The following FBXO34 variants were observed in gnomAD, a reference collection of about 807,000 sequenced individuals.
The protein encoded by FBXO34 is F-box only protein 34.
FBXO34 carries 12 observed loss-of-function variants against 24.5 expected under a neutral mutation model. The observed-to-expected ratio is 0.49, with a 90% CI of 0.31 to 0.79. The LOEUF is 0.79. Ranked by LOEUF, FBXO34 falls within the 30% of genes least tolerant of loss-of-function variation. FBXO34 has a pLI of 0.04. For synonymous variants in FBXO34, 320 were observed against 311.9 expected, an observed-to-expected ratio of 1.03 and a Z score of -0.27; for missense variants, 823 against 857.7, an observed-to-expected ratio of 0.96 and a Z score of 0.51.
At chr14:55,411,853 G>C in the FBXO34 span, 1 of 1,549,272 alleles carries the variant, frequency 6.5e-7, no homozygotes, top group Non-Finnish European at 8.7e-7. Context: ...AGTCACGTGG[G>C]ATTTTGTTTT....
At chr14:55,383,443 C>CGTA in the FBXO34 span, among the ~76,000 whole-genome samples, 1 of 151,900 alleles carries the variant, frequency 6.6e-6, no homozygotes, top group Non-Finnish European at 1.5e-5. Context: ...CCCAGCTACT[C>CGTA]GGAAGGCTAA....
At chr14:55,329,694 A>C (rs1194141669) in intron 1 of FBXO34, among the ~76,000 whole-genome samples, 1 of 152,138 alleles carries the variant, frequency 6.6e-6, no homozygotes, top group Non-Finnish European at 1.5e-5. Flanking sequence ...TTTGGCTTGA[A>C]GTCCTTTTTT....
intron 1 of FBXO34, among the ~76,000 whole-genome samples, chr14:55,301,545 T>G (rs1375297074): frequency 6.6e-6 from 1 of 152,252 alleles, no homozygotes; most frequent in African/African-American, 2.4e-5. Context: ...TTTTCTCATC[T>G]GTAAAATGAG....
At chr14:55,281,255 TAAA>T (rs533626777) in intron 1 of FBXO34, among the ~76,000 whole-genome samples, 6 of 98,438 alleles carry the variant, frequency 6.1e-5, no homozygotes, top group South Asian at 3.7e-4. Context: ...CCCGACTCCT[TAAA>T]AAAAAAAAAA....
At chr14:55,299,173 T>C in intron 1 of FBXO34, 2 of 1,035,610 alleles carry the variant, frequency 1.9e-6, no homozygotes, top group South Asian at 2.5e-5. Context: ...CCCGAAACAG[T>C]CCCTCTACCA....
chr14:55,370,246 A>G (rs1288441390), downstream of FBXO34, among the ~76,000 whole-genome samples: 1 of 152,210 alleles, frequency 6.6e-6, no homozygotes, highest in Non-Finnish European at 1.5e-5. Flanking sequence ...TCCTGTTGTA[A>G]AGAACTGCAG....
At chr14:55,272,786 T>TA (rs1881201069) in intron 1 of FBXO34, among the ~76,000 whole-genome samples, 1 of 152,194 alleles carries the variant, frequency 6.6e-6, no homozygotes, top group Non-Finnish European at 1.5e-5. Flanking sequence ...CAAGCTGTTT[T>TA]CTTGCTTTCT....
chr14:55,389,042 T>C, the FBXO34 span, among the ~76,000 whole-genome samples: 1 of 152,208 alleles, frequency 6.6e-6, no homozygotes, highest in Non-Finnish European at 1.5e-5. Context: ...GTTCTCTCTC[T>C]AGATTTTAAA....
At chr14:55,288,696 C>T (rs1881844278) in intron 1 of FBXO34, among the ~76,000 whole-genome samples, 1 of 152,014 alleles carries the variant, frequency 6.6e-6, no homozygotes, top group South Asian at 2.1e-4. Flanking sequence ...GCTTGTTGGA[C>T]GATTTGATTT....
At chr14:55,436,316 T>C in the FBXO34 span, among the ~76,000 whole-genome samples, 1 of 152,332 alleles carries the variant, frequency 6.6e-6, no homozygotes, top group East Asian at 1.9e-4. Flanking sequence ...AACAATACAA[T>C]CCTTCAAGAA....
At chr14:55,401,722 G>A in the FBXO34 span, among the ~76,000 whole-genome samples, 1 of 152,018 alleles carries the variant, frequency 6.6e-6, no homozygotes, top group African/African-American at 2.4e-5. Context: ...CAGATTGATG[G>A]GAACAAGGAG....
the FBXO34 span, among the ~76,000 whole-genome samples, chr14:55,420,096 AC>A: frequency 6.6e-6 from 1 of 151,710 alleles, no homozygotes. Context: ...TTTGAGACAG[AC>A]TCTTGCTCTG....
intron 1 of FBXO34, among the ~76,000 whole-genome samples, chr14:55,275,331 GTTA>G (rs1881296423): frequency 6.6e-6 from 1 of 152,152 alleles, no homozygotes; most frequent in Non-Finnish European, 1.5e-5. Flanking sequence ...TGTAAGTGTG[GTTA>G]TTGCATTATT....
intron 1 of FBXO34, among the ~76,000 whole-genome samples, chr14:55,303,358 A>G (rs1882430325): frequency 6.6e-6 from 1 of 152,208 alleles, no homozygotes; most frequent in Non-Finnish European, 1.5e-5. Flanking sequence ...AGACTCAGAA[A>G]TAGTGACATG....
the FBXO34 span, among the ~76,000 whole-genome samples, chr14:55,382,982 ACT>A: frequency 6.6e-6 from 1 of 152,210 alleles, no homozygotes; most frequent in Non-Finnish European, 1.5e-5. Context: ...AAAGAGTGAC[ACT>A]GTTTTACATT....
At chr14:55,360,435 A>G (rs1884578829) in intron 3 of FBXO34, among the ~76,000 whole-genome samples, 1 of 152,106 alleles carries the variant, frequency 6.6e-6, no homozygotes, top group Non-Finnish European at 1.5e-5. Flanking sequence ...AAGTTTTATT[A>G]TGAGATTGCA....
the FBXO34 span, among the ~76,000 whole-genome samples, chr14:55,410,621 G>C: frequency 0.058 from 8,809 of 152,300 alleles, 342 homozygotes; most frequent in South Asian, 0.085. Flanking sequence ...AGGATATAAA[G>C]TCTAGTGGTT....
the FBXO34 span, among the ~76,000 whole-genome samples, chr14:55,423,241 G>A: frequency 6.6e-6 from 1 of 152,206 alleles, no homozygotes. Flanking sequence ...GTACCATTTT[G>A]TTTGGAATGC....
intron 1 of FBXO34, among the ~76,000 whole-genome samples, chr14:55,332,416 G>T (rs1302239239): frequency 2.6e-5 from 4 of 152,172 alleles, no homozygotes; most frequent in Non-Finnish European, 5.9e-5. Flanking sequence ...CTGCCTAAGT[G>T]TGAACCGAGG....
Sources: gnomAD v4.1 joint callset for allele counts (sites outside exome capture counted in the v4.1 genomes callset) on GRCh38, gnomAD v4.1.1 for gene constraint, MANE v1.5 for transcripts, NCBI Gene and HGNC (gene_info 2026-07-23, HGNC 2026-07-21) for gene names.